The following CDKN3 variants were observed in gnomAD, a reference collection of about 807,000 sequenced individuals.
CDKN3 encodes the protein cyclin dependent kinase inhibitor 3.
Under a neutral mutation model 36.1 loss-of-function variants are expected in CDKN3, and 19 were observed. The ratio of observed to expected loss-of-function variants is 0.53; its 90% confidence interval spans 0.37 to 0.77. The LOEUF (loss-of-function observed/expected upper bound fraction) is 0.77. CDKN3 is among the 30% of genes least tolerant of loss of function. CDKN3 has a pLI of 0.00. For missense variants in CDKN3, 188 were observed against 248.6 expected, an observed-to-expected ratio of 0.76 and a Z score of 1.64; for synonymous variants, 71 against 85.3, an observed-to-expected ratio of 0.83 and a Z score of 0.92.
rs1399069625 is a variant in CDKN3 at position 54,417,867 on chromosome 14, A to G, written c.468A>G (p.Leu156=). 6.9e-6 allele frequency: 11 copies of G among 1,593,554 alleles called. No individual in the cohort carries two copies. Among genetic ancestry groups the G allele is most frequent in the Non-Finnish European group, 9.4e-6 (11 of 1,168,524 alleles). The change falls in exon 7 of 8, where the codon CTA becomes CTG. Residue 156 remains leucine (L), a synonymous_variant. Coordinates refer to ENST00000335183, the MANE Select transcript of CDKN3 (RefSeq NM_005192.4). ...RSCLVAACLL[L]YLSDTISPEQ... ...CATTAGTAGCTGCTTGTCTCCTACT[A>G]TACCTGTCTGACACAATATCACCAG...
At chr14:54,415,608 C>G (rs2030511146) in intron 5 of CDKN3, among the ~76,000 whole-genome samples, 1 of 152,206 alleles carries the variant, frequency 6.6e-6, no homozygotes, top group Non-Finnish European at 1.5e-5. Context: ...AGTCTGATTT[C>G]TATCTATTGG....
At position 54,404,298 on chromosome 14, in the gene CDKN3, G is replaced by T. The variant is rs562191943; in HGVS notation, c.148+2719G>T. Among the ~76,000 whole-genome samples, 37 of 152,190 alleles carry T rather than the reference G, an allele frequency of 2.4e-4. No individual in the cohort carries two copies. The South Asian group carries it at 5.4e-3, about 22-fold the overall frequency. ...GTCTTGGGAGGGTGTATGTGTCCAG[G>T]AATTTATCCATTTCTTCTAGATTTC... On this transcript the variant is annotated intron_variant, in intron 3 of 7. Coordinates refer to ENST00000335183, the MANE Select transcript of CDKN3 (RefSeq NM_005192.4).
chr14:54,406,884 T>G (rs1462246082), intron 3 of CDKN3, among the ~76,000 whole-genome samples: 1 of 152,184 alleles, frequency 6.6e-6, no homozygotes, highest in African/African-American at 2.4e-5. Context: ...GTTCCCTTGC[T>G]GGCGAGGAGT....
chr14:54,415,882 C>G lies in CDKN3; in HGVS notation c.417-17C>G. ...GGAATGAAATGTACAAACTTCAAAA[C>G]TGTATTTCCCTTTCAGCTGCTATGG... On this transcript the variant is annotated splice_polypyrimidine_tract_variant and intron_variant, in intron 5 of 7. Transcript: ENST00000335183. The G allele has an allele frequency of 6.3e-7, 1 of 1,589,352 alleles. No individual in the cohort carries two copies. Among genetic ancestry groups the G allele is most frequent in the South Asian group, 1.1e-5 (1 of 90,410 alleles).
At chr14:54,407,183 C>T (rs1338201424) in intron 3 of CDKN3, among the ~76,000 whole-genome samples, 1 of 152,212 alleles carries the variant, frequency 6.6e-6, no homozygotes, top group African/African-American at 2.4e-5. Context: ...GGCTGCAGAA[C>T]AGCAAAGATT....
chr14:54,411,003 AC>A (rs1311463964), intron 4 of CDKN3, among the ~76,000 whole-genome samples: 1 of 151,972 alleles, frequency 6.6e-6, no homozygotes, highest in Non-Finnish European at 1.5e-5. Context: ...ACATGGTGAA[AC>A]CCCGTCTCTA....
At chr14:54,419,470 A>G (rs1193080983) in intron 7 of CDKN3, among the ~76,000 whole-genome samples, 1 of 152,138 alleles carries the variant, frequency 6.6e-6, no homozygotes, top group East Asian at 1.9e-4. Context: ...TAAAGCTTTT[A>G]TTTTGCTTAT....
At chr14:54,412,646 G>A (rs1194003355) in intron 5 of CDKN3, among the ~76,000 whole-genome samples, 1 of 152,148 alleles carries the variant, frequency 6.6e-6, no homozygotes, top group African/African-American at 2.4e-5. Flanking sequence ...GAAGGCCAGA[G>A]AGAGTGGCAA....
At position 54,420,200 on chromosome 14, in the gene CDKN3, TAA is replaced by T; in HGVS notation, c.*124_*125del. The T allele has an allele frequency of 1.9e-6, 1 of 534,836 alleles. No individual in the cohort carries two copies. The highest frequency in any genetic ancestry group is 3.3e-6 in the Non-Finnish European group (1 of 302,968). 33.1% of individuals were successfully genotyped at this position (534,836 alleles called of 1,614,324 possible). A position where few individuals can be genotyped will look rare whatever the true frequency, so the allele number is the denominator to read the frequency against. On this transcript the variant is annotated 3_prime_UTR_variant, in exon 8 of 8. Coordinates refer to ENST00000335183, the MANE Select transcript of CDKN3 (RefSeq NM_005192.4). ...GTAAATGTACATGTGCAGATATTCC[TAA>T]AGTTTTATTGACAAAACTCGTTGTG...
Position 54,406,636 on chromosome 14 carries a change from T to C in CDKN3, c.149-2109T>C, listed in dbSNP as rs371976390. Reference sequence around the variant, plus strand: ...TTCTTCTGCTTGATCGATTCAGCTATTGATACTTGTGTATGCATCACGAAG... The same window carrying C: ...TTCTTCTGCTTGATCGATTCAGCTACTGATACTTGTGTATGCATCACGAAG... On this transcript the variant is annotated intron_variant, in intron 3 of 7. Transcript: ENST00000335183. Among the ~76,000 whole-genome samples, 309 of 152,082 alleles carry C rather than the reference T, an allele frequency of 2.0e-3. 21 individuals are homozygous for C. The South Asian group carries it at 0.061, about 30-fold the overall frequency.
chr14:54,415,126 A>G (rs2030495193), intron 5 of CDKN3, among the ~76,000 whole-genome samples: 1 of 152,228 alleles, frequency 6.6e-6, no homozygotes, highest in Non-Finnish European at 1.5e-5. Context: ...GATCTTTGAA[A>G]ATGACTTAAA....
rs770092939 is a variant in CDKN3 at position 54,419,992 on chromosome 14, C to G, written c.553C>G (p.Gln185Glu). The G allele has an allele frequency of 1.9e-6, 3 of 1,583,712 alleles. No individual in the cohort carries two copies. The highest frequency in any genetic ancestry group is 2.2e-5 in the East Asian group (1 of 44,546). ...RGSGAIQTIK[Q>E]YNYLHEFRDK... ...TCCAATGTATCTTTACTTTTTTCAG[C>G]AATACAATTATCTTCATGAGTTTCG... Residue 185 changes from glutamine (Q) to glutamate (E), a missense_variant and splice_region_variant, in exon 8 of 8, where the codon CAA (glutamine) becomes GAA (glutamate). Physicochemically the swap from Gln to Glu is conservative, Grantham distance 29. Transcript: ENST00000335183.
At chr14:54,401,759 T>G (rs933341351) in intron 3 of CDKN3, among the ~76,000 whole-genome samples, 180 bp downstream of exon 3, 4 of 152,172 alleles carry the variant, frequency 2.6e-5, no homozygotes, top group South Asian at 2.1e-4. Flanking sequence ...CAATGTGAAG[T>G]CTTTTATCCT....
At chr14:54,399,504 C>G (rs969627112) in intron 1 of CDKN3, among the ~76,000 whole-genome samples, 1 of 152,202 alleles carries the variant, frequency 6.6e-6, no homozygotes, top group African/African-American at 2.4e-5. Context: ...TCTTATAGAT[C>G]TTTTGCATCT....
At chr14:54,415,852 G>T in intron 5 of CDKN3, 47 bp from the exon 6 acceptor site, 1 of 1,431,828 alleles carries the variant, frequency 7.0e-7, no homozygotes, top group Non-Finnish European at 9.9e-7. Flanking sequence ...GTTGTAACTA[G>T]GGATGGAATG....
At chr14:54,417,003 G>A (rs1410570211) in intron 6 of CDKN3, among the ~76,000 whole-genome samples, 1 of 152,042 alleles carries the variant, frequency 6.6e-6, no homozygotes, top group Non-Finnish European at 1.5e-5. Flanking sequence ...AATTAGGAAG[G>A]GTATTATAAA....
chr14:54,401,664 TG>T, intron 3 of CDKN3, 85 bp downstream of exon 3: 1 of 987,752 alleles, frequency 1.0e-6, no homozygotes, highest in Non-Finnish European at 1.5e-6. Context: ...GGGGGACAGG[TG>T]GTGTTTGGTT....
At position 54,397,675 on chromosome 14, in the gene CDKN3, A is replaced by T. The variant is rs570357927; in HGVS notation, c.9+598A>T. Among the ~76,000 whole-genome samples, 13 of 152,380 alleles carry T rather than the reference A, an allele frequency of 8.5e-5. No homozygotes were observed. In the South Asian group the frequency reaches 2.7e-3, roughly 32 times the overall value. On this transcript the variant is annotated intron_variant, in intron 1 of 7. Coordinates refer to ENST00000335183, the MANE Select transcript of CDKN3 (RefSeq NM_005192.4). ...TGAATGGGCCACACAAATTTGAAAT[A>T]TGAATCATCAAAGTTGCTTTAAAGA...
intron 5 of CDKN3, among the ~76,000 whole-genome samples, chr14:54,412,114 C>T (rs1010954627): frequency 2.0e-5 from 3 of 152,176 alleles, no homozygotes; most frequent in Non-Finnish European, 4.4e-5. Context: ...GGTGCAGTGG[C>T]TCGCGCCTGT....
Sources: gnomAD v4.1 joint callset for allele counts (sites outside exome capture counted in the v4.1 genomes callset) on GRCh38, gnomAD v4.1.1 for gene constraint, MANE v1.5 for transcripts, NCBI Gene and HGNC (gene_info 2026-07-23, HGNC 2026-07-21) for gene names.